BMPR1B: variants seen among roughly 807,000 people sequenced by gnomAD.
BMPR1B encodes the protein bone morphogenetic protein receptor type-1B.
In BMPR1B, 12 loss-of-function variants were observed where a neutral mutation model predicts 59.1. The observed-to-expected ratio is 0.20, with a 90% CI of 0.13 to 0.33. BMPR1B has a LOEUF of 0.33. Among genes scored for constraint, BMPR1B ranks in the 10% least tolerant of loss-of-function variants. The probability of loss-of-function intolerance (pLI) is 1.00; values close to 1 mark genes in which losing one functional copy is unlikely to be tolerated. For synonymous variants in BMPR1B, 237 were observed against 207.3 expected, an observed-to-expected ratio of 1.14 and a Z score of -1.23; for missense variants, 550 against 610.9, an observed-to-expected ratio of 0.90 and a Z score of 1.05.
chr4:94,813,658 A>G (rs1723903451), intron 1 of BMPR1B, among the ~76,000 whole-genome samples: 1 of 152,172 alleles, frequency 6.6e-6, no homozygotes, highest in African/African-American at 2.4e-5. Context: ...TTGTAAAAGG[A>G]TAGGTTGAGC....
intron 3 of BMPR1B, among the ~76,000 whole-genome samples, chr4:95,018,868 G>GC (rs1344652744): frequency 6.6e-6 from 1 of 152,154 alleles, no homozygotes. Context: ...CTTTTCTGCT[G>GC]CTTCTTGCTA....
intron 2 of BMPR1B, among the ~76,000 whole-genome samples, chr4:94,887,188 C>T (rs539445492): frequency 3.4e-5 from 5 of 148,682 alleles, no homozygotes; most frequent in East Asian, 2.0e-4. Context: ...AACAAATAAA[C>T]GTATAAAAGA....
intron 3 of BMPR1B, among the ~76,000 whole-genome samples, chr4:95,077,421 A>G (rs2149228883): frequency 6.6e-6 from 1 of 152,234 alleles, no homozygotes; most frequent in Non-Finnish European, 1.5e-5. Context: ...AGCTGTTAGA[A>G]CAGTTTTCAC....
intron 10 of BMPR1B, among the ~76,000 whole-genome samples, chr4:95,134,979 G>C (rs1467388098): frequency 6.6e-6 from 1 of 152,184 alleles, no homozygotes; most frequent in South Asian, 2.1e-4. Context: ...TTCTTCTGTG[G>C]TTTTTATGGT....
Position 95,030,336 on chromosome 4 carries a change from G to T in BMPR1B, c.-18+34202G>T, listed in dbSNP as rs897567905. ...ATCCAGTTTCAGCTTTCTCCATATG[G>T]CTAGCCAGTTTTCCCAGCACCATTT... On this transcript the variant is annotated intron_variant, in intron 3 of 12. Transcript: ENST00000515059. Among the ~76,000 whole-genome samples the T allele has an allele frequency of 3.3e-5, 5 of 152,040 alleles. No individual in the cohort carries two copies. In the South Asian group the frequency reaches 8.3e-4, roughly 25 times the overall value.
At chr4:94,876,408 A>G (rs1726733315) in intron 2 of BMPR1B, among the ~76,000 whole-genome samples, 3 of 152,192 alleles carry the variant, frequency 2.0e-5, no homozygotes. Context: ...ACCCACATAT[A>G]TTAGTGAACG....
intron 1 of BMPR1B, among the ~76,000 whole-genome samples, chr4:94,810,347 C>A (rs2110637227): frequency 6.6e-6 from 1 of 152,266 alleles, no homozygotes; most frequent in Middle Eastern, 3.4e-3. Flanking sequence ...CAACTTACAA[C>A]ACTATAAATA....
At chr4:95,086,459 ATTGT>A (rs1329912561) in intron 3 of BMPR1B, among the ~76,000 whole-genome samples, 1 of 152,194 alleles carries the variant, frequency 6.6e-6, no homozygotes, top group Non-Finnish European at 1.5e-5. Flanking sequence ...CTAACATTTA[ATTGT>A]TTGTGGGCTG....
intron 1 of BMPR1B, among the ~76,000 whole-genome samples, chr4:94,759,979 A>T (rs1027493790): frequency 1.2e-4 from 19 of 152,188 alleles, no homozygotes; most frequent in African/African-American, 4.3e-4. Context: ...ACAAAACTTG[A>T]TACAGTGTGT....
In BMPR1B at chr4:94,930,166, A is replaced by G. The variant is rs190074510; in HGVS notation, c.-113+54266A>G. ...TTTTGCACCTTCTAGTCTGTTTTAT[A>G]TACACTCTGTTGTATATACAAAGTG... is the stretch of plus-strand genomic sequence containing the variant. On this transcript the variant is annotated intron_variant, in intron 2 of 12. Coordinates refer to ENST00000515059, the MANE Select transcript of BMPR1B (RefSeq NM_001203.3). 2.7e-3 allele frequency among the ~76,000 whole-genome samples: 411 copies of G among 152,230 alleles called. 5 individuals carry two copies. The highest frequency in any genetic ancestry group is 7.4e-4 in the Non-Finnish European group (50 of 68,000).
intron 3 of BMPR1B, among the ~76,000 whole-genome samples, chr4:95,064,790 A>G (rs922387479): frequency 1.3e-5 from 2 of 152,206 alleles, no homozygotes; most frequent in Non-Finnish European, 2.9e-5. Flanking sequence ...AATGCTCAGC[A>G]TCCTGTTATC....
intron 1 of BMPR1B, among the ~76,000 whole-genome samples, chr4:94,865,374 C>A (rs1400366745): frequency 6.6e-6 from 1 of 151,130 alleles, no homozygotes; most frequent in Non-Finnish European, 1.5e-5. Flanking sequence ...TAAACACAAA[C>A]CTGTTCATGC....
Position 94,936,858 on chromosome 4 carries a change from G to A in BMPR1B, c.-112-59182G>A, listed in dbSNP as rs150693337. ...AGTTCTCTTCTCTGTGTCCCTTAGCGCAGATCCTCACTGTTTCTCAGACTC... is the reference window on the plus strand; with the variant it reads ...AGTTCTCTTCTCTGTGTCCCTTAGCACAGATCCTCACTGTTTCTCAGACTC... On this transcript the variant is annotated intron_variant, in intron 2 of 12. Transcript: ENST00000515059. Among the ~76,000 whole-genome samples, 20 of 152,032 alleles carry A rather than the reference G, an allele frequency of 1.3e-4. 1 individual carries two copies. Among genetic ancestry groups the A allele is most frequent in the African/African-American group, 2.7e-4 (11 of 41,460 alleles).
At chr4:94,830,801 A>G (rs1053201970) in intron 1 of BMPR1B, among the ~76,000 whole-genome samples, 18 of 152,144 alleles carry the variant, frequency 1.2e-4, no homozygotes, top group Non-Finnish European at 2.5e-4. Flanking sequence ...AGCCATCGTA[A>G]CGCCATAGCA....
chr4:94,938,746 C>G (rs545011510), intron 2 of BMPR1B, among the ~76,000 whole-genome samples: 2 of 152,086 alleles, frequency 1.3e-5, no homozygotes, highest in Non-Finnish European at 2.9e-5. Context: ...CTTCAACAAC[C>G]CTATATGGAA....
At chr4:94,856,449 A>AG (rs1725758514) in intron 1 of BMPR1B, among the ~76,000 whole-genome samples, 1 of 152,206 alleles carries the variant, frequency 6.6e-6, no homozygotes, top group East Asian at 1.9e-4. Context: ...GCATCCTGAA[A>AG]GGAGGGGGTT....
chr4:95,128,676 C>T (rs1733078430), intron 8 of BMPR1B, among the ~76,000 whole-genome samples: 1 of 152,166 alleles, frequency 6.6e-6, no homozygotes, highest in African/African-American at 2.4e-5. Flanking sequence ...ACTTTTCTCT[C>T]TAATATGCTG....
intron 3 of BMPR1B, among the ~76,000 whole-genome samples, chr4:95,089,825 A>G (rs1443655499): frequency 1.3e-5 from 2 of 152,132 alleles, no homozygotes; most frequent in African/African-American, 2.4e-5. Flanking sequence ...CCTATTAAGT[A>G]TAATTTCAAG....
chr4:94,932,309 G>A (rs1028073475), intron 2 of BMPR1B, among the ~76,000 whole-genome samples: 9 of 152,126 alleles, frequency 5.9e-5, no homozygotes, highest in African/African-American at 1.9e-4. Context: ...GGGTGACATA[G>A]ATGATGATAT....
Sources: gnomAD v4.1 joint callset for allele counts (sites outside exome capture counted in the v4.1 genomes callset) on GRCh38, gnomAD v4.1.1 for gene constraint, MANE v1.5 for transcripts, NCBI Gene and HGNC (gene_info 2026-07-23, HGNC 2026-07-21) for gene names.